Variants in SPG21 observed in about 807,000 individuals in gnomAD.
The protein encoded by SPG21 is maspardin.
Under a neutral mutation model 38.9 loss-of-function variants are expected in SPG21, and 26 were observed. That is an observed-to-expected ratio of 0.67 (90% CI 0.49 to 0.93). SPG21 has a LOEUF of 0.93. Among genes scored for constraint, SPG21 ranks in the 40% least tolerant of loss-of-function variants. SPG21 has a pLI of 0.00. For missense variants in SPG21, 333 were observed against 376.5 expected (o/e 0.88, Z 0.96); for synonymous variants, 136 against 128.9 (o/e 1.05, Z -0.37).
chr15:64,969,108 T>C (rs1265833555), intron 7 of SPG21, 147 bp downstream of exon 7: 2 of 645,088 alleles, frequency 3.1e-6, no homozygotes, highest in African/African-American at 3.7e-5. Context: ...ACAGATTATT[T>C]TGGAATTGAG....
intron 8 of SPG21, among the ~76,000 whole-genome samples, chr15:64,964,487 G>T (rs1011605101): frequency 2.0e-5 from 3 of 152,108 alleles, no homozygotes; most frequent in Non-Finnish European, 4.4e-5. Context: ...TTACAGGTGT[G>T]AGCCACCATG....
intron 4 of SPG21, among the ~76,000 whole-genome samples, chr15:64,975,644 C>T (rs1314219043): frequency 6.6e-6 from 1 of 151,910 alleles, no homozygotes; most frequent in African/African-American, 2.4e-5. Context: ...CATATGTCAA[C>T]ACAAAAACTT....
intron 4 of SPG21, among the ~76,000 whole-genome samples, chr15:64,975,821 C>G (rs968986924): frequency 1.3e-5 from 2 of 152,002 alleles, no homozygotes; most frequent in Non-Finnish European, 2.9e-5. Context: ...ATGAATGAAC[C>G]TTAAACTCAC....
chr15:64,971,129 T>C (rs12913231), intron 5 of SPG21, among the ~76,000 whole-genome samples: 52,316 of 152,062 alleles, frequency 0.34, 10,129 homozygotes, highest in South Asian at 0.49. Flanking sequence ...ATTGTGATCA[T>C]AGCTCACTGT....
chr15:64,968,682 A>G (rs974472627), intron 7 of SPG21, among the ~76,000 whole-genome samples: 19 of 145,452 alleles, frequency 1.3e-4, no homozygotes, highest in African/African-American at 3.4e-4. Context: ...TTAAAATGGC[A>G]TATTTTAAAT....
chr15:64,967,083 G>A (rs76293520), intron 7 of SPG21, among the ~76,000 whole-genome samples: 2,404 of 151,960 alleles, frequency 0.016, 64 homozygotes, highest in African/African-American at 0.054. Flanking sequence ...CCAGGATATA[G>A]AGAAACTGGA....
intron 4 of SPG21, among the ~76,000 whole-genome samples, chr15:64,975,514 T>G (rs1346632530): frequency 3.0e-5 from 4 of 132,068 alleles, no homozygotes; most frequent in Non-Finnish European, 6.4e-5. Flanking sequence ...GGCAACAAAG[T>G]GAAAGCCTGT....
chr15:64,967,411 C>T (rs1407191918), intron 7 of SPG21, among the ~76,000 whole-genome samples: 3 of 152,032 alleles, frequency 2.0e-5, no homozygotes, highest in Non-Finnish European at 4.4e-5. Flanking sequence ...GATCCTCCCA[C>T]CTCAACCTCC....
chr15:64,989,558 ACACT>A (rs984733122), intron 1 of SPG21, 103 bp downstream of exon 1: 1 of 153,798 alleles, frequency 6.5e-6, no homozygotes, highest in South Asian at 2.1e-4. Flanking sequence ...CACTCAGAAC[ACACT>A]CACAAAGTCA....
At chr15:64,982,089 C>G (rs902559746) in intron 2 of SPG21, among the ~76,000 whole-genome samples, 2 of 151,824 alleles carry the variant, frequency 1.3e-5, no homozygotes, top group East Asian at 3.9e-4. Flanking sequence ...ATGTATCTCA[C>G]GCTCATGTTT....
intron 6 of SPG21, among the ~76,000 whole-genome samples, 172 bp downstream of exon 6, chr15:64,969,942 G>A (rs930518690): frequency 6.6e-6 from 1 of 152,138 alleles, no homozygotes; most frequent in African/African-American, 2.4e-5. Flanking sequence ...ATAGCTGGTG[G>A]GAAGCACTGA....
intron 2 of SPG21, 44 bp downstream of exon 2, chr15:64,983,463 A>G (rs768381621): frequency 1.5e-6 from 2 of 1,341,728 alleles, no homozygotes; most frequent in East Asian, 2.4e-5. Context: ...CACAAAAACA[A>G]TACAAGATTT....
chr15:64,974,590 T>A lies in SPG21; in HGVS notation c.452+12A>T. 1.2e-6 allele frequency: 2 copies of A among 1,614,144 alleles called. No homozygotes were observed. The highest frequency in any genetic ancestry group is 1.7e-6 in the Non-Finnish European group (2 of 1,180,014). On this transcript the variant is annotated intron_variant, in intron 5 of 8. Coordinates refer to ENST00000204566, the MANE Select transcript of SPG21 (RefSeq NM_016630.7). ...AAATTTCACTGAACAAAAAAAGTAA[T>A]TTTGTTCTTACCTGTTTGCAGTCCA... is the stretch of plus-strand genomic sequence containing the variant.
intron 7 of SPG21, among the ~76,000 whole-genome samples, chr15:64,967,211 A>G (rs959874220): frequency 2.0e-5 from 3 of 152,154 alleles, no homozygotes; most frequent in Admixed American, 2.0e-4. Flanking sequence ...AATTAAAAGT[A>G]GGATACATCT....
intron 3 of SPG21, among the ~76,000 whole-genome samples, chr15:64,977,954 C>G (rs941765177): frequency 5.9e-5 from 9 of 152,066 alleles, no homozygotes; most frequent in African/African-American, 1.9e-4. Flanking sequence ...TCCTGAGTAG[C>G]TGGGACTACA....
At chr15:64,986,234 C>T (rs1250543602) in intron 1 of SPG21, among the ~76,000 whole-genome samples, 2 of 151,984 alleles carry the variant, frequency 1.3e-5, no homozygotes, top group South Asian at 2.1e-4. Flanking sequence ...GGCGTGGTGG[C>T]GCACGCCCGT....
At chr15:64,979,640 CAGT>C (rs2085847069) in intron 3 of SPG21, among the ~76,000 whole-genome samples, 1 of 152,016 alleles carries the variant, frequency 6.6e-6, no homozygotes, top group African/African-American at 2.4e-5. Flanking sequence ...GTGGTAACCT[CAGT>C]AGAATTTTCA....
In SPG21 at chr15:64,981,580, C is replaced by T. The variant is rs190325360; in HGVS notation, c.64-555G>A. The stretch of plus-strand genomic sequence containing the variant: ...CTGGGATTACAGGCGTGAGCCACTG[C>T]GCCCGGCCTGGATCCTGTCTCTTTA... On this transcript the variant is annotated intron_variant, in intron 2 of 8. Coordinates refer to ENST00000204566, the MANE Select transcript of SPG21 (RefSeq NM_016630.7). 632 of 153,188 alleles carry T rather than the reference C, an allele frequency of 4.1e-3. 5 individuals carry two copies. Among genetic ancestry groups the T allele is most frequent in the Admixed American group, 7.2e-3 (111 of 15,386 alleles). The allele number at this position is 153,188 out of a possible 1,614,324, so 9.5% of individuals were successfully genotyped here.
intron 5 of SPG21, among the ~76,000 whole-genome samples, chr15:64,970,474 A>T (rs2085639777): frequency 6.6e-6 from 1 of 152,214 alleles, no homozygotes; most frequent in Non-Finnish European, 1.5e-5. Flanking sequence ...CTTTACTGAG[A>T]TAGACATTCT....
Sources: gnomAD v4.1 joint callset for allele counts (sites outside exome capture counted in the v4.1 genomes callset) on GRCh38, gnomAD v4.1.1 for gene constraint, MANE v1.5 for transcripts, NCBI Gene and HGNC (gene_info 2026-07-23, HGNC 2026-07-21) for gene names.